NTN1: variants seen among roughly 807,000 people sequenced by gnomAD.
NTN1 encodes netrin-1.
In NTN1, 11 loss-of-function variants were observed where a neutral mutation model predicts 54.2. The observed-to-expected ratio is 0.20, with a 90% CI of 0.13 to 0.34. NTN1 has a LOEUF of 0.34. NTN1 is among the 10% of genes least tolerant of loss of function. The probability of loss-of-function intolerance (pLI) is 1.00; values close to 1 mark genes in which losing one functional copy is unlikely to be tolerated. For missense variants in NTN1, 740 were observed against 893.1 expected, an observed-to-expected ratio of 0.83 and a Z score of 2.18; for synonymous variants, 371 against 382.0, an observed-to-expected ratio of 0.97 and a Z score of 0.33.
At position 9,117,785 on chromosome 17, in the gene NTN1, A is replaced by AC. The variant is rs568484480; in HGVS notation, c.1019-45028_1019-45027insC. ...AACAAAAAAACCAAAAAAAAAAAAA[A>AC]AACAAGCTTCCATGTGCACGGCGTG... is the stretch of plus-strand genomic sequence containing the variant. On this transcript the variant is annotated intron_variant, in intron 2 of 6. Transcript: ENST00000173229. Among the ~76,000 whole-genome samples the AC allele has an allele frequency of 5.9e-3, 895 of 151,154 alleles. 17 individuals carry two copies. The highest frequency in any genetic ancestry group is 0.021 in the African/African-American group (860 of 41,170).
chr17:9,170,013 G>A (rs2142306093), intron 3 of NTN1, among the ~76,000 whole-genome samples: 1 of 152,346 alleles, frequency 6.6e-6, no homozygotes, highest in Admixed American at 6.5e-5. Context: ...TGAGGAAATA[G>A]TGTCTTTTGG....
chr17:9,047,028 A>G (rs748707378), intron 2 of NTN1, among the ~76,000 whole-genome samples: 4 of 152,238 alleles, frequency 2.6e-5, no homozygotes, highest in Non-Finnish European at 5.9e-5. Flanking sequence ...TTAAGTGTAC[A>G]GTAGCATTAT....
At chr17:9,218,654 G>C (rs568139592) in intron 5 of NTN1, among the ~76,000 whole-genome samples, 1 of 151,518 alleles carries the variant, frequency 6.6e-6, no homozygotes, top group African/African-American at 2.4e-5. Context: ...CCCCACCCCC[G>C]GGGTGGGGCT....
chr17:9,081,459 C>G (rs1318682876), intron 2 of NTN1, among the ~76,000 whole-genome samples: 1 of 152,166 alleles, frequency 6.6e-6, no homozygotes, highest in African/African-American at 2.4e-5. Flanking sequence ...GCACCTGTTT[C>G]ATTCCATTTA....
intron 2 of NTN1, among the ~76,000 whole-genome samples, chr17:9,042,770 G>A (rs1177167306): frequency 6.6e-6 from 1 of 150,770 alleles, no homozygotes; most frequent in African/African-American, 2.4e-5. Flanking sequence ...CTGGGCGATA[G>A]TGCGAGACTC....
chr17:9,013,916 G>C, the NTN1 span, among the ~76,000 whole-genome samples: 1 of 152,136 alleles, frequency 6.6e-6, no homozygotes, highest in African/African-American at 2.4e-5. Flanking sequence ...GTGGAACCTT[G>C]TCAAAAGCTT....
chr17:9,067,285 C>T (rs541383232), intron 2 of NTN1, among the ~76,000 whole-genome samples: 29 of 146,236 alleles, frequency 2.0e-4, no homozygotes, highest in Admixed American at 6.8e-4. Context: ...AAAAAAATGG[C>T]ATGTTGTTAG....
intron 3 of NTN1, among the ~76,000 whole-genome samples, chr17:9,163,414 T>C (rs977975920): frequency 6.6e-6 from 1 of 151,474 alleles, no homozygotes; most frequent in African/African-American, 2.4e-5. Context: ...GGACTCTCTT[T>C]CACCAAATGC....
chr17:9,102,875 C>T (rs2092154971), intron 2 of NTN1, among the ~76,000 whole-genome samples: 1 of 152,216 alleles, frequency 6.6e-6, no homozygotes, highest in Non-Finnish European at 1.5e-5. Flanking sequence ...CAGATGCATA[C>T]TCTACGATTC....
rs1390184140 is a variant in NTN1, at chr17:9,243,333, T to G, written c.*3365T>G. 1 of 150,914 alleles carries G rather than the reference T, an allele frequency of 6.6e-6. No individual in the cohort carries two copies. The highest frequency in any genetic ancestry group is 2.5e-5 in the African/African-American group (1 of 40,178). The allele number at this position is 150,914 out of a possible 1,614,324, so 9.3% of individuals were successfully genotyped here. ...TGCTCCAAGGCCCTGGAACTCTGCCTCAGTCGCGGCATGCTGGAGAGGGGT... is the reference window on the plus strand; with the variant it reads ...TGCTCCAAGGCCCTGGAACTCTGCCGCAGTCGCGGCATGCTGGAGAGGGGT... On this transcript the variant is annotated 3_prime_UTR_variant, in exon 7 of 7. Coordinates refer to ENST00000173229, the MANE Select transcript of NTN1 (RefSeq NM_004822.3).
chr17:9,179,728 C>T lies in NTN1; in HGVS notation c.1208-79C>T, dbSNP rs1214336315. Reference sequence around the variant, plus strand: ...TCCAGGGCAGGGTCCATGGAGGCAGCCCTGGGTAGGGAAGGCTCTGCGGGG... The same window carrying T: ...TCCAGGGCAGGGTCCATGGAGGCAGTCCTGGGTAGGGAAGGCTCTGCGGGG... On this transcript the variant is annotated intron_variant, in intron 3 of 6. Coordinates refer to ENST00000173229, the MANE Select transcript of NTN1 (RefSeq NM_004822.3). The T allele has an allele frequency of 2.0e-6, 3 of 1,528,252 alleles. No individual in the cohort carries two copies. The South Asian group carries it at 3.8e-5, about 19-fold the overall frequency. 94.7% of individuals were successfully genotyped at this position (1,528,252 alleles called of 1,614,324 possible). A position where few individuals can be genotyped will look rare whatever the true frequency, so the allele number is the denominator to read the frequency against.
intron 3 of NTN1, among the ~76,000 whole-genome samples, chr17:9,164,461 A>G (rs1418451682): frequency 1.3e-5 from 2 of 152,066 alleles, no homozygotes; most frequent in African/African-American, 2.4e-5. Context: ...GGGGGAAAAA[A>G]AAAAGAAAGT....
chr17:9,016,350 T>C, the NTN1 span, among the ~76,000 whole-genome samples: 1 of 151,836 alleles, frequency 6.6e-6, no homozygotes, highest in Non-Finnish European at 1.5e-5. Flanking sequence ...ACAGCAGAAG[T>C]CCCCCTCTTA....
chr17:9,068,942 G>A (rs978514439), intron 2 of NTN1, among the ~76,000 whole-genome samples: 12 of 152,046 alleles, frequency 7.9e-5, no homozygotes, highest in Non-Finnish European at 7.4e-5. Context: ...ACCATATGGC[G>A]GCAGTACAGA....
chr17:9,093,831 G>A (rs749069964), intron 2 of NTN1, among the ~76,000 whole-genome samples: 5 of 152,116 alleles, frequency 3.3e-5, no homozygotes, highest in Non-Finnish European at 5.9e-5. Flanking sequence ...AAAATTAGCT[G>A]GGCGTGGTGG....
At chr17:9,044,434 C>T (rs370934693) in intron 2 of NTN1, among the ~76,000 whole-genome samples, 2 of 152,026 alleles carry the variant, frequency 1.3e-5, no homozygotes, top group South Asian at 2.1e-4. Context: ...GGGGTTTCAC[C>T]GTGTTGGCCA....
At position 9,205,991 on chromosome 17, in the gene NTN1, A is replaced by G. The variant is rs899676860; in HGVS notation, c.1412-15177A>G. On this transcript the variant is annotated intron_variant, in intron 5 of 6. Transcript: ENST00000173229. ...TCCTGCCGCAGACGGGCTGAGCTCC[A>G]ACTGGGGCATGCCTCTGAGGCTGAG... Among the ~76,000 whole-genome samples, 5 of 152,324 alleles carry G rather than the reference A, an allele frequency of 3.3e-5. No homozygotes were observed. In the East Asian group the frequency reaches 5.8e-4, roughly 18 times the overall value.
At chr17:9,194,532 G>A (rs570889932) in intron 5 of NTN1, among the ~76,000 whole-genome samples, 1 of 152,298 alleles carries the variant, frequency 6.6e-6, no homozygotes, top group East Asian at 1.9e-4. Context: ...CAGCACTGTC[G>A]ACCTGGGGGC....
chr17:9,065,978 G>A (rs1597475488), intron 2 of NTN1, among the ~76,000 whole-genome samples: 1 of 152,174 alleles, frequency 6.6e-6, no homozygotes, highest in African/African-American at 2.4e-5. Context: ...TGTGTCCGGA[G>A]AAAATATAAA....
Sources: gnomAD v4.1 joint callset for allele counts (sites outside exome capture counted in the v4.1 genomes callset) on GRCh38, gnomAD v4.1.1 for gene constraint, MANE v1.5 for transcripts, NCBI Gene and HGNC (gene_info 2026-07-23, HGNC 2026-07-21) for gene names.